KIF13B: variants seen among roughly 807,000 people sequenced by gnomAD.
KIF13B encodes the protein kinesin-like protein KIF13B.
KIF13B carries 127 observed loss-of-function variants against 222.0 expected under a neutral mutation model. That is an observed-to-expected ratio of 0.57 (90% confidence interval 0.50 to 0.66). The LOEUF (loss-of-function observed/expected upper bound fraction) is 0.66. Ranked by LOEUF, KIF13B falls within the 30% of genes least tolerant of loss-of-function variation. KIF13B has a pLI of 0.00. For missense variants in KIF13B, 2,173 were observed against 2,379.0 expected (o/e 0.91, Z 1.80); for synonymous variants, 976 against 919.0 (o/e 1.06, Z -1.12).
chr8:29,094,571 G>A (rs1170968122), intron 36 of KIF13B, among the ~76,000 whole-genome samples: 1 of 152,200 alleles, frequency 6.6e-6, no homozygotes, highest in African/African-American at 2.4e-5. Flanking sequence ...CACAGGGAAT[G>A]GGAATTAACT....
chr8:29,073,542 G>C (rs1236763954), intron 38 of KIF13B, among the ~76,000 whole-genome samples: 1 of 152,196 alleles, frequency 6.6e-6, no homozygotes, highest in East Asian at 1.9e-4. Context: ...GAGAAGGCAG[G>C]AACAGGGAAT....
chr8:29,104,773 T>A (rs1808969928), intron 35 of KIF13B, among the ~76,000 whole-genome samples: 1 of 151,998 alleles, frequency 6.6e-6, no homozygotes, highest in African/African-American at 2.4e-5. Flanking sequence ...TGAGACAGAG[T>A]CTCGCTGTCG....
chr8:29,225,371 G>A (rs768324664), intron 2 of KIF13B, among the ~76,000 whole-genome samples: 1 of 152,186 alleles, frequency 6.6e-6, no homozygotes, highest in Non-Finnish European at 1.5e-5. Context: ...AACATCCTGA[G>A]TCAAAACTAG....
At chr8:29,200,337 A>G (rs562013371) in intron 2 of KIF13B, among the ~76,000 whole-genome samples, 1 of 152,356 alleles carries the variant, frequency 6.6e-6, no homozygotes, top group Admixed American at 6.5e-5. Flanking sequence ...AACCTCAACT[A>G]TCCAGATCAC....
At chr8:29,124,806 C>T (rs1282951146) in intron 26 of KIF13B, among the ~76,000 whole-genome samples, 1 of 151,954 alleles carries the variant, frequency 6.6e-6, no homozygotes, top group Non-Finnish European at 1.5e-5. Flanking sequence ...TCGCTTGAAC[C>T]CGGGAGGCAG....
At chr8:29,162,294 T>C (rs1176404103) in intron 12 of KIF13B, among the ~76,000 whole-genome samples, 3 of 152,238 alleles carry the variant, frequency 2.0e-5, no homozygotes, top group African/African-American at 7.2e-5. Flanking sequence ...TTGCTATTTC[T>C]AGGCATGCCA....
chr8:29,235,295 G>A lies in KIF13B; in HGVS notation c.149+10051C>T, dbSNP rs181707208. On this transcript the variant is annotated intron_variant, in intron 2 of 39. Transcript: ENST00000524189. ...GAAAGGTTACAGTAATGCAAATGTC[G>A]TCCATCTGCACCGTCCAAGCAAGAT... 4.6e-5 allele frequency among the ~76,000 whole-genome samples: 7 copies of A among 152,138 alleles called. No individual in the cohort carries two copies. In the South Asian group the frequency reaches 8.3e-4, roughly 18 times the overall value.
rs149317124 is a variant in KIF13B, at chr8:29,131,255, A to ACC, written c.2943-592_2943-591dup. Among the ~76,000 whole-genome samples, 1,155 of 151,490 alleles carry ACC rather than the reference A, an allele frequency of 7.6e-3. 11 individuals carry two copies. Among genetic ancestry groups the ACC allele is most frequent in the African/African-American group, 0.026 (1,068 of 41,198 alleles). On this transcript the variant is annotated intron_variant, in intron 23 of 39. Coordinates refer to ENST00000524189, the MANE Select transcript of KIF13B (RefSeq NM_015254.4). ...CTACCTGAGTGACAGGATCAATCAC[A>ACC]CCCCAAAGCTCAGCATCACACAATA...
intron 7 of KIF13B, among the ~76,000 whole-genome samples, chr8:29,180,795 G>A (rs1386985914): frequency 6.6e-6 from 1 of 151,806 alleles, no homozygotes; most frequent in African/African-American, 2.4e-5. Context: ...AATACAATAG[G>A]AAGGTCAAGG....
chr8:29,172,839 A>G (rs1279488654), intron 10 of KIF13B, among the ~76,000 whole-genome samples: 1 of 152,194 alleles, frequency 6.6e-6, no homozygotes, highest in Non-Finnish European at 1.5e-5. Flanking sequence ...CTCCAGGCCA[A>G]TGAAGCCACT....
chr8:29,149,160 G>A (rs6981956), intron 15 of KIF13B, among the ~76,000 whole-genome samples: 126,074 of 152,250 alleles, frequency 0.83, 52,786 homozygotes, highest in Non-Finnish European at 0.87. Flanking sequence ...TGGAGAAATG[G>A]GTAAAACAAC....
At chr8:29,220,956 A>T (rs1013069508) in intron 2 of KIF13B, among the ~76,000 whole-genome samples, 1 of 151,948 alleles carries the variant, frequency 6.6e-6, no homozygotes, top group Non-Finnish European at 1.5e-5. Flanking sequence ...ATAAATAAAT[A>T]TATTTTTATA....
At chr8:29,240,027 C>A (rs1586971721) in intron 2 of KIF13B, among the ~76,000 whole-genome samples, 1 of 139,992 alleles carries the variant, frequency 7.1e-6, no homozygotes, top group African/African-American at 2.7e-5. Flanking sequence ...AAAAAAGAAA[C>A]ACAAAAGAGG....
Position 29,092,755 on chromosome 8 carries a change from A to G in KIF13B, c.4448T>C (p.Leu1483Pro), listed in dbSNP as rs1230203216. The G allele has an allele frequency of 1.2e-6, 2 of 1,612,482 alleles. No homozygotes were observed. Among genetic ancestry groups the G allele is most frequent in the African/African-American group, 2.7e-5 (2 of 74,810 alleles). ...DEKRGKRPSP[L>P]AHQPVPRIMV... ...CTCGGTGCTTTTTACCTGGTGTGCG[A>G]GGGGAGACGGCCGCTTGCCCCTCTT... The change falls in exon 37 of 40, where the codon CTC becomes CCC. Residue 1483 changes from leucine (L) to proline (P), a missense_variant. Around this residue, in one of 2 missense-constraint regions of KIF13B, gnomAD observed 693 missense variants for 656.2 expected, o/e 1.06. Transcript: ENST00000524189.
intron 24 of KIF13B, among the ~76,000 whole-genome samples, 199 bp from the exon 25 acceptor site, chr8:29,127,467 GAATA>G (rs1810164632): frequency 1.3e-5 from 2 of 151,990 alleles, no homozygotes; most frequent in Non-Finnish European, 2.9e-5. Flanking sequence ...CTAAAAAACA[GAATA>G]AATATATGTT....
chr8:29,076,713 G>C (rs1807576921), intron 37 of KIF13B, among the ~76,000 whole-genome samples: 1 of 152,236 alleles, frequency 6.6e-6, no homozygotes, highest in Non-Finnish European at 1.5e-5. Context: ...AAAAGTATAA[G>C]AGGGAATTGA....
At chr8:29,102,032 G>A (rs1391553111) in intron 35 of KIF13B, among the ~76,000 whole-genome samples, 1 of 151,106 alleles carries the variant, frequency 6.6e-6, no homozygotes, top group Admixed American at 6.6e-5. Flanking sequence ...CCAATATGTT[G>A]TATATGCTTA....
intron 2 of KIF13B, among the ~76,000 whole-genome samples, chr8:29,226,415 G>A (rs138066261): frequency 1.3e-5 from 2 of 152,280 alleles, no homozygotes; most frequent in African/African-American, 4.8e-5. Flanking sequence ...TTACTGGGCG[G>A]GTTCAGATTC....
chr8:29,237,093 T>G (rs1296521166), intron 2 of KIF13B, among the ~76,000 whole-genome samples: 2 of 152,160 alleles, frequency 1.3e-5, no homozygotes, highest in Non-Finnish European at 2.9e-5. Flanking sequence ...CATGTTATGA[T>G]ACAACAACTT....
Sources: gnomAD v4.1 joint callset for allele counts (sites outside exome capture counted in the v4.1 genomes callset) on GRCh38, gnomAD v4.1.1 for gene constraint, gnomAD v4.1.1 regional missense constraint, MANE v1.5 for transcripts, NCBI Gene and HGNC (gene_info 2026-07-23, HGNC 2026-07-21) for gene names.